Variants in C1QTNF9 observed in about 807,000 individuals in gnomAD.
The protein encoded by C1QTNF9 is complement C1q and tumor necrosis factor-related protein 9A.
In C1QTNF9, 6 loss-of-function variants were observed where a neutral mutation model predicts 10.1. The observed-to-expected ratio is 0.59, with a 90% CI of 0.32 to 1.17. The LOEUF (loss-of-function observed/expected upper bound fraction) is 1.17. Among genes scored for constraint, C1QTNF9 ranks in the 50% most tolerant of loss-of-function variants. The probability of loss-of-function intolerance (pLI) is 0.04; values close to 1 mark genes in which losing one functional copy is unlikely to be tolerated. For missense variants in C1QTNF9, 201 were observed against 418.8 expected, an observed-to-expected ratio of 0.48 and a Z score of 4.54; for synonymous variants, 98 against 163.5, an observed-to-expected ratio of 0.60 and a Z score of 3.06.
chr13:24,318,449 G>C (rs397842080), intron 2 of C1QTNF9, among the ~76,000 whole-genome samples: 36 of 151,698 alleles, frequency 2.4e-4, no homozygotes, highest in African/African-American at 5.6e-4. Context: ...GAAACCTCCT[G>C]GCACCTCCAA....
rs528821954 is a variant in C1QTNF9, at chr13:24,317,929, G to C, written c.167-889G>C. ...CATTCAGAGGTCCCACGCTGACCAA[G>C]GCCCCACTCAGGAGCGCTGGTGTCC... On this transcript the variant is annotated intron_variant, in intron 2 of 3. Coordinates refer to ENST00000332018, the Ensembl canonical transcript of C1QTNF9. Among the ~76,000 whole-genome samples the C allele has an allele frequency of 4.3e-4, 66 of 152,174 alleles. No homozygotes were observed. The East Asian group carries it at 0.011, about 26-fold the overall frequency.
At chr13:24,309,569 T>C (rs1877733134), upstream of C1QTNF9, 1 of 152,090 alleles carries the variant, frequency 6.6e-6, no homozygotes, top group Non-Finnish European at 1.5e-5. Context: ...GGCCCTTGAT[T>C]CTTGGTTTGC....
intron 2 of C1QTNF9, among the ~76,000 whole-genome samples, chr13:24,317,665 C>G (rs1878093410): frequency 6.6e-6 from 1 of 151,830 alleles, no homozygotes; most frequent in South Asian, 2.1e-4. Flanking sequence ...CATATACTAC[C>G]TGTGCATAAT....
chr13:24,314,236 C>T (rs1443731155), intron 1 of C1QTNF9, among the ~76,000 whole-genome samples: 1 of 152,118 alleles, frequency 6.6e-6, no homozygotes, highest in African/African-American at 2.4e-5. Context: ...TTTTGTTTTA[C>T]TTCATTTTTT....
chr13:24,314,978 G>T (rs1381955275), intron 1 of C1QTNF9, among the ~76,000 whole-genome samples: 1 of 151,870 alleles, frequency 6.6e-6, no homozygotes, highest in Non-Finnish European at 1.5e-5. Context: ...TCTCACTACA[G>T]TAAGACTTCT....
intron 1 of C1QTNF9, chr13:24,315,718 A>G (rs145166888): frequency 0.01 from 5,257 of 512,538 alleles, 71 homozygotes; most frequent in Non-Finnish European, 9.6e-3. Flanking sequence ...TGAACGGAAG[A>G]GTATCCTGAC....
intron 1 of C1QTNF9, among the ~76,000 whole-genome samples, chr13:24,312,364 G>GGT (rs1474862197): frequency 4.9e-5 from 5 of 101,416 alleles, no homozygotes; most frequent in African/African-American, 2.1e-4. Context: ...CAGTAATTCA[G>GGT]ATGAGAGAGA....
chr13:24,311,510 T>A (rs902298282), intron 1 of C1QTNF9, among the ~76,000 whole-genome samples: 3 of 152,212 alleles, frequency 2.0e-5, no homozygotes, highest in South Asian at 2.1e-4. Context: ...CTTGTCTTGA[T>A]TTGTCCAAGG....
At chr13:24,309,027 T>A (rs1877709344), upstream of C1QTNF9, among the ~76,000 whole-genome samples, 1 of 151,958 alleles carries the variant, frequency 6.6e-6, no homozygotes, top group African/African-American at 2.4e-5. Context: ...GACACACCCA[T>A]CTGAAAATCT....
At chr13:24,321,890 G>T in exon 4 of C1QTNF9, 2 of 1,353,904 alleles carry the variant, frequency 1.5e-6, no homozygotes, top group Admixed American at 2.8e-5. Flanking sequence ...AGGTGAAAAT[G>T]GAAAAGTTAT....
chr13:24,307,458 G>C (rs74040670), upstream of C1QTNF9, among the ~76,000 whole-genome samples: 8,817 of 152,342 alleles, frequency 0.058, 382 homozygotes, highest in African/African-American at 0.13. Flanking sequence ...CGCCCTTTGC[G>C]GGTGGGTAGA....
intron 3 of C1QTNF9, 117 bp downstream of exon 3, chr13:24,318,997 A>G (rs111305106): frequency 0.12 from 170,556 of 1,406,436 alleles, 10,231 homozygotes; most frequent in Middle Eastern, 0.2. Context: ...CACAGTTCTT[A>G]CTCTCCAGAC....
At chr13:24,308,180 C>T (rs1268147608), upstream of C1QTNF9, among the ~76,000 whole-genome samples, 2 of 152,244 alleles carry the variant, frequency 1.3e-5, no homozygotes, top group African/African-American at 4.8e-5. Flanking sequence ...GGCAGAGGTC[C>T]AGGCCGGCAG....
rs780122653 is a variant in C1QTNF9 at position 24,321,450 on chromosome 13, T to A, written c.684T>A (p.Tyr228Ter). The A allele has an allele frequency of 1.9e-6, 3 of 1,613,202 alleles. No homozygotes were observed. The highest frequency in any genetic ancestry group is 2.5e-6 in the Non-Finnish European group (3 of 1,179,762). ...CCATTAAATTTGATAAGATCCTGTATAACGAATTCAACCATTATGATACAG... is the reference window on the plus strand; with the variant it reads ...CCATTAAATTTGATAAGATCCTGTAAAACGAATTCAACCATTATGATACAG... Residue 228 changes from tyrosine to a stop codon, truncating the protein, a stop_gained, in exon 4 of 4, where the codon TAT (tyrosine) becomes TAA (stop). Coordinates refer to ENST00000332018, the Ensembl canonical transcript of C1QTNF9. LOFTEE classifies it low-confidence loss of function (END_TRUNC).
intron 1 of C1QTNF9, among the ~76,000 whole-genome samples, chr13:24,312,366 T>TGA (rs1555279966): frequency 1.5e-4 from 22 of 151,678 alleles, no homozygotes; most frequent in East Asian, 3.9e-4. Flanking sequence ...GTAATTCAGA[T>TGA]GAGAGAGAGA....
At chr13:24,312,911 C>T (rs532495819) in intron 1 of C1QTNF9, among the ~76,000 whole-genome samples, 6 of 148,746 alleles carry the variant, frequency 4.0e-5, no homozygotes, top group East Asian at 2.0e-4. Flanking sequence ...GCCAAGATCG[C>T]GCCACTGCAC....
intron 1 of C1QTNF9, among the ~76,000 whole-genome samples, chr13:24,310,977 A>G (rs1249170034): frequency 6.6e-6 from 1 of 151,884 alleles, no homozygotes; most frequent in African/African-American, 2.4e-5. Context: ...TAGAGAGTGC[A>G]TGGAAGACAA....
intron 2 of C1QTNF9, among the ~76,000 whole-genome samples, chr13:24,316,778 T>A (rs1878056481): frequency 6.6e-6 from 1 of 152,124 alleles, no homozygotes; most frequent in African/African-American, 2.4e-5. Context: ...GGAGGGAGAT[T>A]TGCCAAAGCT....
At chr13:24,316,295 C>T in intron 2 of C1QTNF9, 126 bp downstream of exon 2, 1 of 1,382,106 alleles carries the variant, frequency 7.2e-7, no homozygotes, top group Non-Finnish European at 9.9e-7. Context: ...ATACATCAAC[C>T]CAGCAACACT....
Sources: gnomAD v4.1 joint callset for allele counts (sites outside exome capture counted in the v4.1 genomes callset) on GRCh38, gnomAD v4.1.1 for gene constraint, MANE v1.5 for transcripts, NCBI Gene and HGNC (gene_info 2026-07-23, HGNC 2026-07-21) for gene names.